RBFOX1: variants seen among roughly 807,000 people sequenced by gnomAD.
The protein encoded by RBFOX1 is RNA binding protein fox-1 homolog 1.
RBFOX1 carries 8 observed loss-of-function variants against 57.7 expected under a neutral mutation model. The observed-to-expected ratio is 0.14, with a 90% confidence interval of 0.08 to 0.25. The LOEUF (loss-of-function observed/expected upper bound fraction) is 0.25. Among genes scored for constraint, RBFOX1 ranks in the 10% least tolerant of loss-of-function variants. The pLI, the probability that RBFOX1 is intolerant of heterozygous loss-of-function variation, is 1.00. For synonymous variants in RBFOX1, 326 were observed against 222.4 expected (o/e 1.47, Z -4.15); for missense variants, 611 against 548.5 (o/e 1.11, Z -1.14).
chr16:5,502,112 G>A (rs149544014), intron 2 of RBFOX1, among the ~76,000 whole-genome samples: 109 of 152,092 alleles, frequency 7.2e-4, no homozygotes, highest in African/African-American at 2.5e-3. Context: ...CAGTATGGCC[G>A]GCAGAAGGTG....
At chr16:7,500,612 A>G (rs1358938620) in intron 4 of RBFOX1, among the ~76,000 whole-genome samples, 2 of 152,190 alleles carry the variant, frequency 1.3e-5, no homozygotes, top group African/African-American at 4.8e-5. Context: ...TCTAGGGTTC[A>G]TATCACTAGA....
At chr16:5,948,405 G>C (rs1457692907) in intron 4 of RBFOX1, among the ~76,000 whole-genome samples, 1 of 152,202 alleles carries the variant, frequency 6.6e-6, no homozygotes, top group African/African-American at 2.4e-5. Flanking sequence ...GCCCACCATA[G>C]ATTGGGTTGA....
At chr16:6,717,856 C>G (rs1397418496) in intron 3 of RBFOX1, among the ~76,000 whole-genome samples, 1 of 152,016 alleles carries the variant, frequency 6.6e-6, no homozygotes. Flanking sequence ...CGTGGGATAC[C>G]CCCTGCCTAG....
intron 4 of RBFOX1, among the ~76,000 whole-genome samples, chr16:7,429,247 G>A (rs1315170411): frequency 6.6e-6 from 1 of 152,142 alleles, no homozygotes; most frequent in East Asian, 1.9e-4. Context: ...CCCCTTCCCT[G>A]CTCACCCATC....
intron 3 of RBFOX1, among the ~76,000 whole-genome samples, chr16:6,947,462 G>C (rs886437293): frequency 2.6e-5 from 4 of 152,194 alleles, no homozygotes; most frequent in Non-Finnish European, 5.9e-5. Context: ...ATCCGGCTGA[G>C]AACATATGTT....
At chr16:5,581,009 T>C (rs1354782262) in intron 2 of RBFOX1, among the ~76,000 whole-genome samples, 1 of 152,218 alleles carries the variant, frequency 6.6e-6, no homozygotes, top group Non-Finnish European at 1.5e-5. Context: ...ATTCAAGGGC[T>C]GTCAGTGTGC....
At chr16:7,361,308 A>T (rs991600301) in intron 4 of RBFOX1, among the ~76,000 whole-genome samples, 1 of 152,226 alleles carries the variant, frequency 6.6e-6, no homozygotes, top group Non-Finnish European at 1.5e-5. Context: ...TGCAGCTTCT[A>T]GGTGGCACTT....
chr16:6,620,408 G>T (rs993896715), intron 2 of RBFOX1, among the ~76,000 whole-genome samples: 1 of 152,052 alleles, frequency 6.6e-6, no homozygotes, highest in Non-Finnish European at 1.5e-5. Flanking sequence ...AGATCTCAAG[G>T]TAACAAGTTA....
intron 3 of RBFOX1, among the ~76,000 whole-genome samples, chr16:5,735,745 T>C (rs2052547257): frequency 6.6e-6 from 1 of 151,982 alleles, no homozygotes; most frequent in African/African-American, 2.4e-5. Flanking sequence ...GGCGTGGTGG[T>C]GGGCGGCTGT....
At chr16:7,672,600 C>T (rs201800236) in intron 13 of RBFOX1, among the ~76,000 whole-genome samples, 1 of 152,010 alleles carries the variant, frequency 6.6e-6, no homozygotes, top group East Asian at 1.9e-4. Flanking sequence ...TGGTGGCTCA[C>T]ACCTGTAATC....
chr16:6,243,167 T>TG (rs1259164114), intron 1 of RBFOX1, among the ~76,000 whole-genome samples: 7 of 152,086 alleles, frequency 4.6e-5, no homozygotes, highest in South Asian at 4.1e-4. Context: ...TGTGTGTGTG[T>TG]TTATGTACAG....
intron 3 of RBFOX1, among the ~76,000 whole-genome samples, chr16:7,049,593 C>T (rs992728854): frequency 5.3e-5 from 8 of 152,092 alleles, no homozygotes; most frequent in African/African-American, 7.2e-5. Context: ...ATTTTCAGCC[C>T]TTGGCTACCT....
intron 5 of RBFOX1, among the ~76,000 whole-genome samples, chr16:7,539,821 G>A (rs1170337463): frequency 6.6e-6 from 1 of 152,158 alleles, no homozygotes; most frequent in Non-Finnish European, 1.5e-5. Flanking sequence ...TTATCAGAAT[G>A]GTAAGAATAT....
At chr16:6,231,291 G>T (rs1001135401) in intron 1 of RBFOX1, among the ~76,000 whole-genome samples, 2 of 151,406 alleles carry the variant, frequency 1.3e-5, no homozygotes, top group Non-Finnish European at 2.9e-5. Context: ...CGAATTTAGT[G>T]TAGGTCTAAG....
chr16:6,314,847 G>T (rs79197280), intron 1 of RBFOX1, among the ~76,000 whole-genome samples: 3,633 of 152,298 alleles, frequency 0.024, 60 homozygotes, highest in African/African-American at 0.031. Context: ...CTCTAGAAGA[G>T]AACCATGTAT....
At chr16:5,875,515 G>A (rs958410838) in intron 4 of RBFOX1, among the ~76,000 whole-genome samples, 2 of 152,206 alleles carry the variant, frequency 1.3e-5, no homozygotes, top group African/African-American at 4.8e-5. Flanking sequence ...AAGGCATACT[G>A]TAGCTTACAG....
chr16:7,608,474 C>T (rs1000254525), intron 10 of RBFOX1, among the ~76,000 whole-genome samples: 2 of 152,148 alleles, frequency 1.3e-5, no homozygotes, highest in African/African-American at 2.4e-5. Context: ...GGGTTAAGTC[C>T]AGGGATTCTA....
intron 3 of RBFOX1, among the ~76,000 whole-genome samples, chr16:5,806,856 C>A (rs2151765942): frequency 6.6e-6 from 1 of 152,340 alleles, no homozygotes; most frequent in Non-Finnish European, 1.5e-5. Context: ...CTTCTTATTC[C>A]TTGGCCCACT....
At chr16:7,119,227 G>C (rs1233448935) in intron 4 of RBFOX1, among the ~76,000 whole-genome samples, 1 of 152,122 alleles carries the variant, frequency 6.6e-6, no homozygotes, top group African/African-American at 2.4e-5. Flanking sequence ...GTAGGTACAA[G>C]GCAGTAATTT....
Sources: gnomAD v4.1 joint callset for allele counts (sites outside exome capture counted in the v4.1 genomes callset) on GRCh38, gnomAD v4.1.1 for gene constraint, MANE v1.5 for transcripts, NCBI Gene and HGNC (gene_info 2026-07-23, HGNC 2026-07-21) for gene names.